MORC2: variants seen among roughly 807,000 people sequenced by gnomAD.
MORC2 encodes MORC family CW-type zinc finger 2, also known as ATPase MORC2.
A neutral mutation model predicts 136.0 loss-of-function variants in MORC2; 30 were observed. That is an observed-to-expected ratio of 0.22 (90% confidence interval 0.17 to 0.30). The LOEUF (loss-of-function observed/expected upper bound fraction) is 0.30, where lower values mean the gene tolerates loss of function less well. MORC2 is among the 10% of genes least tolerant of loss of function. The pLI, the probability that MORC2 is intolerant of heterozygous loss-of-function variation, is 1.00. For missense variants in MORC2, 922 were observed against 1,333.1 expected (o/e 0.69, Z 4.80); for synonymous variants, 439 against 487.0 (o/e 0.90, Z 1.30).
intron 5 of MORC2, among the ~76,000 whole-genome samples, chr22:30,949,520 C>A (rs931517254): frequency 6.6e-6 from 1 of 152,204 alleles, no homozygotes; most frequent in East Asian, 1.9e-4. Flanking sequence ...CCAAGAGAAA[C>A]GTACAGCCTC....
chr22:30,933,910 G>C (rs1280893944), intron 20 of MORC2, 150 bp downstream of exon 20: 1 of 910,584 alleles, frequency 1.1e-6, no homozygotes, highest in Non-Finnish European at 1.7e-6. Flanking sequence ...AACAGAGTTG[G>C]TGCAGACTGC....
chr22:30,949,673 G>T, intron 5 of MORC2, 79 bp downstream of exon 5: 2 of 1,210,464 alleles, frequency 1.7e-6, no homozygotes, highest in Admixed American at 1.8e-5. Context: ...CAAGGAGAAG[G>T]AAAGTTTTCA....
chr22:30,963,325 G>C, intron 1 of MORC2: 1 of 983,508 alleles, frequency 1.0e-6, no homozygotes, highest in Non-Finnish European at 1.2e-6. Flanking sequence ...TGTGATCCAA[G>C]AAAGGTGAAC....
In MORC2 at chr22:30,956,753, C is replaced by A. The variant is rs2040972918; in HGVS notation, c.157+10G>T. On this transcript the variant is annotated intron_variant, in intron 3 of 25. Transcript: ENST00000397641. ...GAACTAGACATTAGAAGGACTAAAG[C>A]CTGACTTACCTGCATAAATATCTAT... 6.5e-7 allele frequency: 1 copy of A among 1,539,058 alleles called. No homozygotes were observed. The highest frequency in any genetic ancestry group is 1.4e-5 in the African/African-American group (1 of 72,708).
Position 30,940,752 on chromosome 22 carries a change from C to T in MORC2, c.904+6G>A, listed in dbSNP as rs2040731757. 2 of 1,613,642 alleles carry T rather than the reference C, an allele frequency of 1.2e-6. No homozygotes were observed. The highest frequency in any genetic ancestry group is 1.7e-5 in the Admixed American group (1 of 60,006). On this transcript the variant is annotated splice_donor_region_variant and intron_variant, in intron 10 of 25. Transcript: ENST00000397641. The stretch of plus-strand genomic sequence containing the variant: ...CCCCCAACTCCTGCACCCAGAGTGG[C>T]ATTACCAATCCTTGCTACGTGCTCT...
At position 30,934,200 on chromosome 22, in the gene MORC2, AGAG is replaced by A; in HGVS notation, c.2194-12_2194-10del. The A allele has an allele frequency of 6.2e-7, 1 of 1,614,132 alleles. No homozygotes were observed. The highest frequency in any genetic ancestry group is 8.5e-7 in the Non-Finnish European group (1 of 1,179,976). ...TTCCGACTAGGGGTAGCCTAGAGCA[AGAG>A]GAGCGTGAGGATGTGAGGGGCCCTG... On this transcript the variant is annotated splice_polypyrimidine_tract_variant and intron_variant, in intron 19 of 25. Transcript: ENST00000397641. This position sits in a 1 kb window ranked among gnomAD's most constrained non-coding sequence, Gnocchi z 4.4.
chr22:30,960,194 T>A (rs1336971084), intron 1 of MORC2, among the ~76,000 whole-genome samples: 1 of 152,156 alleles, frequency 6.6e-6, no homozygotes, highest in East Asian at 1.9e-4. Context: ...CTCAAACTCC[T>A]GACCTCAGGT....
chr22:30,932,195 T>C lies in MORC2; in HGVS notation c.2841+164A>G, dbSNP rs535212097. 5 of 705,544 alleles carry C rather than the reference T, an allele frequency of 7.1e-6. No homozygotes were observed. In the South Asian group the frequency reaches 9.4e-5, roughly 13 times the overall value. 43.7% of individuals were successfully genotyped at this position (705,544 alleles called of 1,614,324 possible). A position where few individuals can be genotyped will look rare whatever the true frequency, so the allele number is the denominator to read the frequency against. The stretch of plus-strand genomic sequence containing the variant: ...CCAATTTTTTTCCCACATCATAAAC[T>C]CTCCTCTTCTTTCAGCAGGAGAGAG... On this transcript the variant is annotated intron_variant, in intron 24 of 25. Transcript: ENST00000397641. The surrounding 1 kb of genome is among the most constrained non-coding windows in gnomAD (Gnocchi z 4.4).
intron 24 of MORC2, among the ~76,000 whole-genome samples, chr22:30,930,661 A>G (rs887924057): frequency 6.6e-6 from 1 of 152,168 alleles, no homozygotes; most frequent in African/African-American, 2.4e-5. Flanking sequence ...CAAGCACACA[A>G]CTGCCCCACG....
intron 24 of MORC2, among the ~76,000 whole-genome samples, chr22:30,931,884 G>A (rs2040580910): frequency 6.6e-6 from 1 of 152,356 alleles, no homozygotes; most frequent in African/African-American, 2.4e-5. Flanking sequence ...GCTTGGGCAA[G>A]GCACCCCTTC....
chr22:30,948,196 G>T (rs141048451), intron 5 of MORC2, among the ~76,000 whole-genome samples: 5 of 152,196 alleles, frequency 3.3e-5, no homozygotes, highest in African/African-American at 1.2e-4. Flanking sequence ...AGGTGAAATG[G>T]CTTGCCTGAG....
chr22:30,925,552 A>C lies in MORC2; in HGVS notation c.*1251T>G, dbSNP rs968802279. 22 of 155,322 alleles carry C rather than the reference A, an allele frequency of 1.4e-4. No homozygotes were observed. The highest frequency in any genetic ancestry group is 4.3e-4 in the African/African-American group (18 of 41,412). 9.6% of individuals were successfully genotyped at this position (155,322 alleles called of 1,614,324 possible). A position where few individuals can be genotyped will look rare whatever the true frequency, so the allele number is the denominator to read the frequency against. The stretch of plus-strand genomic sequence containing the variant: ...CAGAGGAGCAGGGTGGCCATTGCTG[A>C]TCTGGGTTAGGGAGATGCCAGAAAC... On this transcript the variant is annotated 3_prime_UTR_variant, in exon 26 of 26. Coordinates refer to ENST00000397641, the MANE Select transcript of MORC2 (RefSeq NM_001303256.3).
Position 30,937,750 on chromosome 22 carries a change from C to CCT in MORC2, c.1370-41_1370-40dup. On this transcript the variant is annotated intron_variant, in intron 14 of 25. Transcript: ENST00000397641. The surrounding 1 kb of genome is among the most constrained non-coding windows in gnomAD (Gnocchi z 4.7). Reference sequence around the variant, plus strand: ...ACCGATACATCATGTTAGGAGCCAGCCTCTCTCTCTCCCTACATTCAGGTG... The same window carrying CCT: ...ACCGATACATCATGTTAGGAGCCAGCCTCTCTCTCTCTCCCTACATTCAGGTG... The CCT allele has an allele frequency of 1.9e-6, 3 of 1,613,850 alleles. No individual in the cohort carries two copies. Among genetic ancestry groups the CCT allele is most frequent in the Non-Finnish European group, 2.5e-6 (3 of 1,179,876 alleles).
chr22:30,932,643 G>A lies in MORC2; in HGVS notation c.2649C>T (p.Val883=), dbSNP rs189421529. Residue 883 remains valine, a synonymous_variant, in exon 23 of 26, where the codon GTC becomes GTT. Coordinates refer to ENST00000397641, the MANE Select transcript of MORC2 (RefSeq NM_001303256.3). This position sits in a 1 kb window ranked among gnomAD's most constrained non-coding sequence, Gnocchi z 4.4. ...GGCATTCGGAAGTGGAGGGCTCTGCGACAGCTATGGCCTGCTGGGCCACAG... is the reference window on the plus strand; with the variant it reads ...GGCATTCGGAAGTGGAGGGCTCTGCAACAGCTATGGCCTGCTGGGCCACAG... The part of the protein sequence containing the change: ...VGPVAQQAIA[V]AEPSTSECLR... 2.6e-4 allele frequency: 417 copies of A among 1,614,144 alleles called. 1 individual carries two copies. The Middle Eastern group carries it at 4.1e-3, about 16-fold the overall frequency.
intron 24 of MORC2, 29 bp from the exon 25 acceptor site, chr22:30,928,236 G>A (rs1228003840): frequency 1.2e-6 from 2 of 1,613,092 alleles, no homozygotes; most frequent in East Asian, 2.2e-5. Flanking sequence ...GAGGGAGAGT[G>A]TGTAAGTTCA....
Position 30,939,994 on chromosome 22 carries a change from C to T in MORC2, c.952G>A (p.Val318Ile). ...CGCGTGAGGTCTCCACCTAGGCGTA[C>T]TTCTAATGTCCGAGCTTTGCTCTCT... ...EAESKARTLE[V>I]RLGGDLTRDS... Residue 318 changes from valine (V) to isoleucine (I), a missense_variant, in exon 11 of 26, where the codon GTA becomes ATA. This residue lies in a region of MORC2 where 261 missense variants were observed against 354.3 expected (regional missense o/e 0.74). Coordinates refer to ENST00000397641, the MANE Select transcript of MORC2 (RefSeq NM_001303256.3). The T allele has an allele frequency of 5.0e-6, 8 of 1,614,076 alleles. No homozygotes were observed. The highest frequency in any genetic ancestry group is 6.8e-6 in the Non-Finnish European group (8 of 1,180,046).
Position 30,967,945 on chromosome 22 carries a change from A to G in MORC2, c.-56T>C. ...GCTAACTGGGAAATATAACCTTATA[A>G]TGATATCGATTTCCCAGGATTCTGT... On this transcript the variant is annotated 5_prime_UTR_variant, in exon 1 of 26. Transcript: ENST00000397641. 1 of 1,375,094 alleles carries G rather than the reference A, an allele frequency of 7.3e-7. No homozygotes were observed. The highest frequency in any genetic ancestry group is 1.0e-6 in the Non-Finnish European group (1 of 987,206). 85.2% of individuals were successfully genotyped at this position (1,375,094 alleles called of 1,614,324 possible).
intron 6 of MORC2, among the ~76,000 whole-genome samples, chr22:30,945,048 C>T (rs1246055212): frequency 6.6e-6 from 1 of 152,240 alleles, no homozygotes; most frequent in Non-Finnish European, 1.5e-5. Context: ...AGGCCACCAC[C>T]TTTCTCCAGG....
chr22:30,942,888 C>T (rs2040761451), intron 6 of MORC2, among the ~76,000 whole-genome samples: 1 of 152,140 alleles, frequency 6.6e-6, no homozygotes, highest in Non-Finnish European at 1.5e-5. Context: ...GTCTGTAGCC[C>T]CAGCTACTCA....
Sources: allele counts gnomAD v4.1 joint callset (sites outside exome capture counted in the v4.1 genomes callset), GRCh38; gene constraint gnomAD v4.1.1; regional missense constraint gnomAD v4.1.1; non-coding constraint Gnocchi (gnomAD v3.1); transcripts MANE v1.5; gene names NCBI Gene and HGNC (gene_info 2026-07-23, HGNC 2026-07-21).